The following SHANK2 variants were observed in gnomAD, a reference collection of about 807,000 sequenced individuals.
SHANK2 encodes the protein SH3 and multiple ankyrin repeat domains protein 2.
In SHANK2, 43 loss-of-function variants were observed where a neutral mutation model predicts 133.7. That is an observed-to-expected ratio of 0.32 (90% CI 0.25 to 0.41). SHANK2 has a LOEUF of 0.41. SHANK2 is among the 10% of genes least tolerant of loss of function. The pLI, the probability that SHANK2 is intolerant of heterozygous loss-of-function variation, is 1.00. For missense variants in SHANK2, 1,994 were observed against 2,235.8 expected, an observed-to-expected ratio of 0.89 and a Z score of 2.18; for synonymous variants, 1,017 against 952.8, an observed-to-expected ratio of 1.07 and a Z score of -1.24.
intron 14 of SHANK2, among the ~76,000 whole-genome samples, chr11:70,741,151 C>T (rs186537040): frequency 3.8e-4 from 57 of 151,302 alleles, no homozygotes; most frequent in Admixed American, 1.1e-3. Flanking sequence ...CTCAAATTCT[C>T]AGAGGTGTCG....
At chr11:70,631,402 A>ACACC (rs1355873508) in intron 17 of SHANK2, among the ~76,000 whole-genome samples, 2 of 150,210 alleles carry the variant, frequency 1.3e-5, no homozygotes, top group African/African-American at 4.9e-5. Flanking sequence ...ACACACACAC[A>ACACC]CACACACCCA....
chr11:71,078,409 C>T (rs1951248622), intron 8 of SHANK2, among the ~76,000 whole-genome samples: 2 of 152,020 alleles, frequency 1.3e-5, no homozygotes. Context: ...AAAAAAAAAT[C>T]TCCATTTAGC....
intron 17 of SHANK2, chr11:70,603,313 C>T (rs1314498339): frequency 1.3e-5 from 2 of 152,366 alleles, no homozygotes; most frequent in African/African-American, 2.4e-5. Context: ...GCTTGGCTGC[C>T]GTCCTGAGAC....
chr11:70,617,463 G>A (rs73523844), intron 17 of SHANK2, among the ~76,000 whole-genome samples: 1,691 of 146,904 alleles, frequency 0.012, 38 homozygotes, highest in African/African-American at 0.04. Flanking sequence ...CGCGAGGAAC[G>A]GAGTGGGGAG....
intron 14 of SHANK2, among the ~76,000 whole-genome samples, chr11:70,712,387 C>T (rs981912316): frequency 7.2e-5 from 11 of 152,196 alleles, no homozygotes; most frequent in African/African-American, 2.4e-4. Context: ...GACATTAGGA[C>T]GTGAACATCT....
At chr11:70,536,471 G>A (rs989283233) in intron 17 of SHANK2, among the ~76,000 whole-genome samples, 7 of 152,280 alleles carry the variant, frequency 4.6e-5, no homozygotes, top group African/African-American at 1.7e-4. Flanking sequence ...GTCCCCATGA[G>A]GCCCAGCTGT....
chr11:70,783,324 T>C (rs1555045640), intron 14 of SHANK2, among the ~76,000 whole-genome samples: 2 of 152,070 alleles, frequency 1.3e-5, no homozygotes, highest in African/African-American at 4.8e-5. Context: ...GTATGGGCGA[T>C]GGAAGGGCAC....
At chr11:70,587,744 A>C (rs1196625385) in intron 17 of SHANK2, among the ~76,000 whole-genome samples, 3 of 127,268 alleles carry the variant, frequency 2.4e-5, no homozygotes, top group Non-Finnish European at 3.1e-5. Context: ...TTGCTCTGTC[A>C]CCCAGGCTGG....
At chr11:70,607,271 G>A (rs1212225528) in intron 17 of SHANK2, among the ~76,000 whole-genome samples, 2 of 152,180 alleles carry the variant, frequency 1.3e-5, no homozygotes, top group African/African-American at 2.4e-5. Context: ...CAGATGAACT[G>A]GTTTCCAGGC....
At chr11:71,206,804 G>A (rs1196745895) in intron 2 of SHANK2, among the ~76,000 whole-genome samples, 1 of 152,126 alleles carries the variant, frequency 6.6e-6, no homozygotes, top group Non-Finnish European at 1.5e-5. Flanking sequence ...AGATGGACAT[G>A]GTGGCACATA....
At chr11:70,600,941 A>G (rs563383622) in intron 17 of SHANK2, among the ~76,000 whole-genome samples, 1 of 152,348 alleles carries the variant, frequency 6.6e-6, no homozygotes, top group East Asian at 1.9e-4. Flanking sequence ...AAAGTTTGAT[A>G]AATTCATCTA....
chr11:70,765,145 CT>C (rs1375751441), intron 14 of SHANK2, among the ~76,000 whole-genome samples: 2 of 152,194 alleles, frequency 1.3e-5, no homozygotes, highest in Non-Finnish European at 2.9e-5. Context: ...CATCCATTTC[CT>C]GTTTCCTGGG....
At chr11:70,942,886 T>C (rs1722410860) in intron 10 of SHANK2, 1 of 456,428 alleles carries the variant, frequency 2.2e-6, no homozygotes, top group African/African-American at 2.0e-5. Flanking sequence ...CTTACATTTG[T>C]TACTGAGGGT....
chr11:71,099,537 ATGC>A (rs1555096287), intron 6 of SHANK2, among the ~76,000 whole-genome samples: 1 of 152,224 alleles, frequency 6.6e-6, no homozygotes, highest in Non-Finnish European at 1.5e-5. Context: ...AATGTAAAAA[ATGC>A]TGCTGCTCAG....
chr11:70,896,660 G>T lies in SHANK2; in HGVS notation c.1108-93C>A, dbSNP rs553635562. On this transcript the variant is annotated intron_variant, in intron 10 of 25. Transcript: ENST00000601538. Reference sequence around the variant, plus strand: ...CATCATTGAAGGCCTAACACCAAAAGAAGTCCAATCAGAACCTTTAAAATG... The same window carrying T: ...CATCATTGAAGGCCTAACACCAAAATAAGTCCAATCAGAACCTTTAAAATG... 9.4e-4 allele frequency: 625 copies of T among 667,808 alleles called. 2 individuals carry two copies. The highest frequency in any genetic ancestry group is 1.3e-3 in the Non-Finnish European group (451 of 357,902). 41.4% of individuals were successfully genotyped at this position (667,808 alleles called of 1,614,324 possible).
chr11:71,103,480 C>A (rs1422771996), intron 6 of SHANK2, among the ~76,000 whole-genome samples: 1 of 152,160 alleles, frequency 6.6e-6, no homozygotes, highest in Non-Finnish European at 1.5e-5. Flanking sequence ...GGAGGCAGCC[C>A]GCCAAAGCCA....
intron 11 of SHANK2, among the ~76,000 whole-genome samples, chr11:70,875,134 C>T (rs1455981860): frequency 2.0e-5 from 3 of 151,972 alleles, no homozygotes; most frequent in Non-Finnish European, 2.9e-5. Context: ...TTATCATTGG[C>T]AATTTTTAGA....
chr11:70,633,073 G>A (rs2061020473), intron 17 of SHANK2, among the ~76,000 whole-genome samples: 1 of 151,872 alleles, frequency 6.6e-6, no homozygotes, highest in African/African-American at 2.4e-5. Flanking sequence ...GGGCAACCTG[G>A]GCACCATGCA....
intron 2 of SHANK2, among the ~76,000 whole-genome samples, chr11:71,200,864 A>T (rs1437709106): frequency 1.3e-5 from 2 of 149,250 alleles, no homozygotes; most frequent in African/African-American, 2.5e-5. Flanking sequence ...ACACACACAC[A>T]CTTCAGATCT....
Sources: gnomAD v4.1 joint callset for allele counts (sites outside exome capture counted in the v4.1 genomes callset) on GRCh38, gnomAD v4.1.1 for gene constraint, MANE v1.5 for transcripts, NCBI Gene and HGNC (gene_info 2026-07-23, HGNC 2026-07-21) for gene names.